The following DGKG variants were observed in gnomAD, a reference collection of about 807,000 sequenced individuals.
The protein encoded by DGKG is diacylglycerol kinase gamma.
In DGKG, 78 loss-of-function variants were observed where a neutral mutation model predicts 105.3. That is an observed-to-expected ratio of 0.74 (90% CI 0.62 to 0.89). The LOEUF is 0.89. DGKG is among the 40% of genes least tolerant of loss of function. The pLI, the probability that DGKG is intolerant of heterozygous loss-of-function variation, is 0.00. For synonymous variants in DGKG, 346 were observed against 367.1 expected (o/e 0.94, Z 0.66); for missense variants, 958 against 1,020.1 (o/e 0.94, Z 0.83).
intron 24 of DGKG, chr3:186,160,508 A>T: frequency 6.1e-6 from 6 of 985,322 alleles, no homozygotes; most frequent in Non-Finnish European, 7.2e-6. Flanking sequence ...CATAAGATTG[A>T]GGTAAGATTT....
intron 8 of DGKG, 95 bp downstream of exon 8, chr3:186,280,575 C>T: frequency 1.1e-6 from 1 of 941,232 alleles, no homozygotes; most frequent in Non-Finnish European, 1.7e-6. Context: ...AGTCTGGGAG[C>T]ACCTGCAGGG....
intron 3 of DGKG, among the ~76,000 whole-genome samples, chr3:186,303,152 C>T (rs962987551): frequency 2.2e-4 from 34 of 152,286 alleles, no homozygotes; most frequent in East Asian, 9.6e-4. Flanking sequence ...AGACATGCAA[C>T]GATGTGCCAC....
chr3:186,342,034 G>A (rs1401774292), intron 1 of DGKG, among the ~76,000 whole-genome samples: 1 of 152,182 alleles, frequency 6.6e-6, no homozygotes, highest in Non-Finnish European at 1.5e-5. Flanking sequence ...GAGGAGTGAG[G>A]AGGGATAGCA....
intron 5 of DGKG, among the ~76,000 whole-genome samples, chr3:186,294,579 G>A (rs1723460051): frequency 6.6e-6 from 1 of 151,808 alleles, no homozygotes. Context: ...ATAATTTGGG[G>A]CAGGATGCTT....
chr3:186,148,930 T>C lies in DGKG; in HGVS notation c.*1160A>G. 4.2e-6 allele frequency: 4 copies of C among 956,878 alleles called. No homozygotes were observed. Among genetic ancestry groups the C allele is most frequent in the Non-Finnish European group, 5.0e-6 (4 of 807,084 alleles). The allele number at this position is 956,878 out of a possible 1,614,324, so 59.3% of individuals were successfully genotyped here. ...TACTACCTATGTTTTTTTTTTCCAA[T>C]GAGGAAAAGTCCATCAGTAAATAAA... On this transcript the variant is annotated 3_prime_UTR_variant, in exon 25 of 25. Transcript: ENST00000265022.
chr3:186,165,776 C>T (rs566796592), intron 22 of DGKG, among the ~76,000 whole-genome samples: 3 of 152,294 alleles, frequency 2.0e-5, no homozygotes, highest in South Asian at 2.1e-4. Flanking sequence ...ATGGTGCTTC[C>T]CCAGTTTCTT....
chr3:186,181,996 A>T (rs1257833177), intron 22 of DGKG, among the ~76,000 whole-genome samples: 1 of 152,226 alleles, frequency 6.6e-6, no homozygotes, highest in Admixed American at 6.5e-5. Context: ...ACAATGGCAT[A>T]GCTCCCCAGG....
At chr3:186,242,367 C>G (rs1720730011) in intron 20 of DGKG, 137 bp downstream of exon 20, 1 of 653,310 alleles carries the variant, frequency 1.5e-6, no homozygotes, top group South Asian at 2.0e-5. Flanking sequence ...AAATGGAAAC[C>G]CTCCTTCCGG....
At chr3:186,341,274 T>A (rs1415441835) in intron 1 of DGKG, among the ~76,000 whole-genome samples, 1 of 152,230 alleles carries the variant, frequency 6.6e-6, no homozygotes, top group East Asian at 1.9e-4. Flanking sequence ...GGTAAGTTCA[T>A]GTCTGGTCAT....
intron 21 of DGKG, among the ~76,000 whole-genome samples, chr3:186,205,348 T>C (rs1047038742): frequency 1.3e-5 from 2 of 148,268 alleles, no homozygotes; most frequent in African/African-American, 5.0e-5. Context: ...AGTGAAAAGG[T>C]AAGTTTGGAG....
At chr3:186,254,542 A>G (rs1721372635) in intron 17 of DGKG, among the ~76,000 whole-genome samples, 1 of 151,928 alleles carries the variant, frequency 6.6e-6, no homozygotes, top group South Asian at 2.1e-4. Context: ...AACTGTTGTT[A>G]TGGTGTTTAG....
intron 6 of DGKG, among the ~76,000 whole-genome samples, chr3:186,287,095 A>G (rs1047664227): frequency 8.6e-5 from 13 of 151,670 alleles, no homozygotes; most frequent in African/African-American, 3.2e-4. Flanking sequence ...AGAGGGATCC[A>G]AAAGATTAAA....
intron 17 of DGKG, among the ~76,000 whole-genome samples, chr3:186,254,734 G>A (rs1041201448): frequency 1.2e-4 from 18 of 151,794 alleles, no homozygotes; most frequent in African/African-American, 4.1e-4. Flanking sequence ...GCCTCCTCTC[G>A]GCTCTCTCCG....
At chr3:186,157,689 T>C (rs1189762039) in intron 24 of DGKG, among the ~76,000 whole-genome samples, 1 of 152,158 alleles carries the variant, frequency 6.6e-6, no homozygotes, top group Non-Finnish European at 1.5e-5. Flanking sequence ...ATCAAGATGA[T>C]TGTATATTTT....
chr3:186,188,095 T>C (rs555620719), intron 22 of DGKG, 107 bp downstream of exon 22: 5 of 1,275,604 alleles, frequency 3.9e-6, no homozygotes, highest in Admixed American at 1.9e-5. Flanking sequence ...CCGCAGAGCA[T>C]GGAGTCCTTG....
chr3:186,357,355 CAATCCT>C (rs1344654265), intron 1 of DGKG, among the ~76,000 whole-genome samples: 6 of 152,180 alleles, frequency 3.9e-5, no homozygotes, highest in Admixed American at 3.9e-4. Context: ...AAGATGGTGG[CAATCCT>C]AATCCACATC....
intron 1 of DGKG, among the ~76,000 whole-genome samples, chr3:186,345,384 T>A (rs1282083040): frequency 1.3e-5 from 2 of 152,242 alleles, no homozygotes; most frequent in Non-Finnish European, 2.9e-5. Flanking sequence ...ATGTTAATTG[T>A]TATAACTGAG....
At chr3:186,258,693 G>A (rs1721600273) in intron 16 of DGKG, among the ~76,000 whole-genome samples, 1 of 152,002 alleles carries the variant, frequency 6.6e-6, no homozygotes, top group Non-Finnish European at 1.5e-5. Flanking sequence ...TCACTGCTTG[G>A]AATTTACGGT....
intron 1 of DGKG, among the ~76,000 whole-genome samples, chr3:186,331,618 G>T (rs1289199510): frequency 6.6e-6 from 1 of 152,174 alleles, no homozygotes; most frequent in African/African-American, 2.4e-5. Context: ...GCCCAGGTGG[G>T]GGAGCTGGGA....
Sources: allele counts gnomAD v4.1 joint callset (sites outside exome capture counted in the v4.1 genomes callset), GRCh38; gene constraint gnomAD v4.1.1; transcripts MANE v1.5; gene names NCBI Gene and HGNC (gene_info 2026-07-23, HGNC 2026-07-21).